Variants in TAFA5 observed in about 807,000 individuals in gnomAD.
TAFA5 encodes the protein TAFA chemokine like family member 5.
In TAFA5, 6 loss-of-function variants were observed where a neutral mutation model predicts 15.3. The observed-to-expected ratio is 0.39, with a 90% CI of 0.21 to 0.77. The LOEUF (loss-of-function observed/expected upper bound fraction) is 0.77. TAFA5 is among the 30% of genes least tolerant of loss of function. The pLI is 0.41. For missense variants in TAFA5, 161 were observed against 193.1 expected (o/e 0.83, Z 0.98); for synonymous variants, 103 against 80.7 (o/e 1.28, Z -1.48).
rs189881552 is a variant in TAFA5, at chr22:48,716,795, C to T, written c.390+8951C>T. ...TGTACATATGGTATGCCTATAGGTA[C>T]TGTATGCCTGTGTGTGTGTAGCAGC... On this transcript the variant is annotated intron_variant, in intron 3 of 3. Transcript: ENST00000402357. Among the ~76,000 whole-genome samples the T allele has an allele frequency of 4.0e-3, 614 of 152,078 alleles. 4 individuals carry two copies. The highest frequency in any genetic ancestry group is 0.014 in the African/African-American group (597 of 41,492).
chr22:48,497,926 G>A (rs1159253008), intron 1 of TAFA5, among the ~76,000 whole-genome samples: 5 of 89,404 alleles, frequency 5.6e-5, no homozygotes, highest in Non-Finnish European at 1.1e-4. Context: ...GGGTGGGGTG[G>A]GGCCCACCTG....
chr22:48,701,231 C>T (rs80299133), intron 2 of TAFA5, among the ~76,000 whole-genome samples: 6,821 of 152,106 alleles, frequency 0.045, 468 homozygotes, highest in African/African-American at 0.15. Context: ...CCTTTGCAGC[C>T]GGACCTAGAG....
chr22:48,556,402 C>T (rs184119265), intron 1 of TAFA5, among the ~76,000 whole-genome samples: 7 of 152,316 alleles, frequency 4.6e-5, no homozygotes, highest in Admixed American at 2.0e-4. Context: ...CAGAGGCTCC[C>T]GGAATTACAT....
At chr22:48,577,301 G>A (rs1050176726) in intron 1 of TAFA5, among the ~76,000 whole-genome samples, 4 of 152,208 alleles carry the variant, frequency 2.6e-5, no homozygotes, top group Admixed American at 6.5e-5. Flanking sequence ...CTGATGGGCG[G>A]TCGGTCGGCT....
At chr22:48,644,169 G>A (rs1926782311) in intron 1 of TAFA5, among the ~76,000 whole-genome samples, 1 of 152,180 alleles carries the variant, frequency 6.6e-6, no homozygotes, top group African/African-American at 2.4e-5. Context: ...GTGTAATTTT[G>A]TGTGCAATTT....
chr22:48,738,509 C>T (rs1316571026), intron 3 of TAFA5, among the ~76,000 whole-genome samples: 1 of 152,088 alleles, frequency 6.6e-6, no homozygotes, highest in African/African-American at 2.4e-5. Context: ...TCTGGCCTCT[C>T]CTGACTCCTT....
At chr22:48,729,377 A>ATAT (rs34108509) in intron 3 of TAFA5, among the ~76,000 whole-genome samples, 1 of 139,158 alleles carries the variant, frequency 7.2e-6, no homozygotes, top group Non-Finnish European at 1.6e-5. Flanking sequence ...ATTTATAAAT[A>ATAT]TATGTAAATA....
Position 48,751,168 on chromosome 22 carries a change from A to C in TAFA5, c.*1321A>C, listed in dbSNP as rs906306526. Reference sequence around the variant, plus strand: ...CACTTGAGCGTACAATATCTTGAACATGCTTCTTCCAATGGGTTTTGTTTC... The same window carrying C: ...CACTTGAGCGTACAATATCTTGAACCTGCTTCTTCCAATGGGTTTTGTTTC... On this transcript the variant is annotated 3_prime_UTR_variant, in exon 4 of 4. Transcript: ENST00000402357. 6.6e-6 allele frequency: 1 copy of C among 152,348 alleles called. No homozygotes were observed. The highest frequency in any genetic ancestry group is 1.5e-5 in the Non-Finnish European group (1 of 68,076). 9.4% of individuals were successfully genotyped at this position (152,348 alleles called of 1,614,324 possible).
At chr22:48,748,896 G>A (rs1170821433) in intron 3 of TAFA5, among the ~76,000 whole-genome samples, 3 of 152,220 alleles carry the variant, frequency 2.0e-5, no homozygotes, top group Admixed American at 6.5e-5. Flanking sequence ...CAGCATCAGG[G>A]TGGGCTCAGA....
chr22:48,619,168 G>A (rs574501573), intron 1 of TAFA5, among the ~76,000 whole-genome samples: 6 of 152,216 alleles, frequency 3.9e-5, no homozygotes, highest in African/African-American at 1.4e-4. Context: ...GTGCAGCCAC[G>A]ACATGCCACA....
intron 1 of TAFA5, among the ~76,000 whole-genome samples, chr22:48,507,804 A>G (rs1052971509): frequency 6.6e-6 from 1 of 152,008 alleles, no homozygotes; most frequent in African/African-American, 2.4e-5. Flanking sequence ...AGCTGTCGGG[A>G]TGGACAGCGC....
chr22:48,571,725 G>T (rs1007042785), intron 1 of TAFA5, among the ~76,000 whole-genome samples: 1 of 150,832 alleles, frequency 6.6e-6, no homozygotes. Context: ...TTATTTATTT[G>T]ACTATTTCCT....
intron 1 of TAFA5, among the ~76,000 whole-genome samples, chr22:48,586,485 TCCACGGGGGTC>T (rs1924366769): frequency 6.6e-6 from 1 of 152,168 alleles, no homozygotes; most frequent in Non-Finnish European, 1.5e-5. Flanking sequence ...CCCGAGGACT[TCCACGGGGGTC>T]CCCTGACAGA....
chr22:48,649,929 C>T (rs1926993664), intron 2 of TAFA5, among the ~76,000 whole-genome samples: 2 of 152,260 alleles, frequency 1.3e-5, no homozygotes, highest in African/African-American at 4.8e-5. Context: ...TTCCTCTCAC[C>T]AGGAGCCTCC....
At chr22:48,553,130 C>A (rs1256549088) in intron 1 of TAFA5, among the ~76,000 whole-genome samples, 2 of 152,190 alleles carry the variant, frequency 1.3e-5, no homozygotes, top group East Asian at 3.9e-4. Flanking sequence ...TCTAGACATC[C>A]TCCTGACTTG....
intron 1 of TAFA5, among the ~76,000 whole-genome samples, chr22:48,578,783 T>G: frequency 6.6e-6 from 1 of 152,150 alleles, no homozygotes; most frequent in Non-Finnish European, 1.5e-5. Context: ...TCCCTGTCCT[T>G]GCTGAGACGG....
intron 2 of TAFA5, among the ~76,000 whole-genome samples, chr22:48,679,878 G>T (rs1448530959): frequency 6.6e-6 from 1 of 152,176 alleles, no homozygotes. Context: ...TCAGGGTTCT[G>T]CACAGGCCAG....
chr22:48,706,598 G>A (rs550021108), intron 2 of TAFA5, among the ~76,000 whole-genome samples: 22 of 152,212 alleles, frequency 1.4e-4, no homozygotes, highest in African/African-American at 5.1e-4. Flanking sequence ...GGTTGAAGTC[G>A]GTGGTAGAAT....
intron 1 of TAFA5, among the ~76,000 whole-genome samples, chr22:48,558,141 G>C (rs1302312839): frequency 6.6e-6 from 1 of 152,212 alleles, no homozygotes; most frequent in African/African-American, 2.4e-5. Flanking sequence ...AGCCGGGCCT[G>C]TGCCAGTTCA....
Sources: allele counts gnomAD v4.1 joint callset (sites outside exome capture counted in the v4.1 genomes callset), GRCh38; gene constraint gnomAD v4.1.1; transcripts MANE v1.5; gene names NCBI Gene and HGNC (gene_info 2026-07-23, HGNC 2026-07-21).